Variants in KIAA0586 observed in about 807,000 individuals in gnomAD.
KIAA0586 encodes protein TALPID3.
In KIAA0586, 144 loss-of-function variants were observed where a neutral mutation model predicts 169.8. That is an observed-to-expected ratio of 0.85 (90% CI 0.74 to 0.97). The LOEUF (loss-of-function observed/expected upper bound fraction) is 0.97, where lower values mean the gene tolerates loss of function less well. Ranked by LOEUF, KIAA0586 falls within the 50% of genes least tolerant of loss-of-function variation. The pLI is 0.00. For synonymous variants in KIAA0586, 625 were observed against 612.4 expected, an observed-to-expected ratio of 1.02 and a Z score of -0.30; for missense variants, 1,854 against 1,823.0, an observed-to-expected ratio of 1.02 and a Z score of -0.31.
intron 27 of KIAA0586, among the ~76,000 whole-genome samples, chr14:58,505,597 C>T (rs141412214): frequency 2.5e-3 from 383 of 152,220 alleles, no homozygotes; most frequent in African/African-American, 8.8e-3. Flanking sequence ...TATTAGTGCC[C>T]TTTCCTTACA....
chr14:58,483,235 G>T (rs933829155), intron 21 of KIAA0586, among the ~76,000 whole-genome samples: 2 of 152,064 alleles, frequency 1.3e-5, no homozygotes, highest in Non-Finnish European at 2.9e-5. Context: ...AACCAAATTT[G>T]TATGATTGGC....
intron 17 of KIAA0586, among the ~76,000 whole-genome samples, chr14:58,471,435 G>A (rs956914391): frequency 6.6e-6 from 1 of 152,052 alleles, no homozygotes; most frequent in African/African-American, 2.4e-5. Flanking sequence ...TTTCTTCCTG[G>A]CATTTATTTG....
At chr14:58,479,124 A>G (rs114108039) in intron 20 of KIAA0586, among the ~76,000 whole-genome samples, 2 of 152,256 alleles carry the variant, frequency 1.3e-5, no homozygotes, top group African/African-American at 4.8e-5. Context: ...TGGGTGTACT[A>G]TTTTGCATTC....
upstream of KIAA0586, chr14:58,427,641 A>G (rs1029046238): frequency 6.5e-7 from 1 of 1,535,456 alleles, no homozygotes. Flanking sequence ...GTTTTGGGTG[A>G]GTTTCTTGGC....
chr14:58,457,736 T>A, intron 10 of KIAA0586, 23 bp from the exon 11 acceptor site: 2 of 1,482,586 alleles, frequency 1.3e-6, no homozygotes, highest in Non-Finnish European at 1.8e-6. Context: ...TTTAGTAACT[T>A]TCTGGTCTTT....
At chr14:58,534,914 G>C (rs2046190635) in intron 29 of KIAA0586, among the ~76,000 whole-genome samples, 1 of 152,126 alleles carries the variant, frequency 6.6e-6, no homozygotes, top group Non-Finnish European at 1.5e-5. Context: ...TAAGTGTACA[G>C]CTCAAAGAAT....
intron 29 of KIAA0586, among the ~76,000 whole-genome samples, chr14:58,528,608 G>C (rs61215281): frequency 2.0e-5 from 3 of 152,054 alleles, no homozygotes; most frequent in Non-Finnish European, 4.4e-5. Flanking sequence ...GTGACTACTC[G>C]GTAAATAATG....
intron 29 of KIAA0586, among the ~76,000 whole-genome samples, chr14:58,520,702 T>G (rs1238489454): frequency 6.6e-6 from 1 of 151,978 alleles, no homozygotes; most frequent in Non-Finnish European, 1.5e-5. Flanking sequence ...TTGTTTTCAT[T>G]TTTTGTAGAG....
rs553081673 is a variant in KIAA0586, at chr14:58,529,013, T to A, written c.4430-11058T>A. Among the ~76,000 whole-genome samples the A allele has an allele frequency of 4.5e-4, 69 of 152,080 alleles. 1 individual carries two copies. In the South Asian group the frequency reaches 0.011, roughly 23 times the overall value. ...ATCTAATAGACATAATAAAAAATGA[T>A]AAAGGGGACATCACCACTGATTTCA... On this transcript the variant is annotated intron_variant, in intron 29 of 30. Coordinates refer to ENST00000652326, the MANE Select transcript of KIAA0586 (RefSeq NM_001329943.3).
At chr14:58,460,944 A>G (rs762724629) in intron 13 of KIAA0586, 42 bp from the exon 14 acceptor site, 2 of 1,417,960 alleles carry the variant, frequency 1.4e-6, no homozygotes, top group Admixed American at 2.6e-5. Flanking sequence ...TAAGTGTTTG[A>G]TGACTGTTTT....
At position 58,488,629 on chromosome 14, in the gene KIAA0586, C is replaced by T; in HGVS notation, c.3536C>T (p.Ser1179Phe). 1.9e-6 allele frequency: 3 copies of T among 1,613,844 alleles called. No individual in the cohort carries two copies. The highest frequency in any genetic ancestry group is 2.5e-6 in the Non-Finnish European group (3 of 1,179,818). ...EELHPRAIVM[S>F]VAKDEEPESM... ...TGTCTTTATTTTCTTAGTGTAATGT[C>T]TGTGGCTAAGGATGAAGAACCAGAG... is the stretch of plus-strand genomic sequence containing the variant. The change falls in exon 24 of 31, where the codon TCT becomes TTT. Residue 1179 changes from serine (S) to phenylalanine (F), a missense_variant. By Grantham distance (155) the Ser-to-Phe change is radical. Transcript: ENST00000652326.
intron 27 of KIAA0586, among the ~76,000 whole-genome samples, chr14:58,507,344 A>C (rs1566916915): frequency 1.4e-5 from 2 of 146,098 alleles, no homozygotes; most frequent in African/African-American, 5.0e-5. Context: ...ATAAATATAT[A>C]ATATCATATA....
chr14:58,507,985 G>C (rs1299746633), intron 27 of KIAA0586, among the ~76,000 whole-genome samples: 1 of 151,862 alleles, frequency 6.6e-6, no homozygotes. Flanking sequence ...AGGTTTCACC[G>C]TGTTGGCCAG....
chr14:58,541,226 C>T (rs1454842223), intron 30 of KIAA0586, among the ~76,000 whole-genome samples: 1 of 152,222 alleles, frequency 6.6e-6, no homozygotes, highest in African/African-American at 2.4e-5. Flanking sequence ...TTTCAAGGTC[C>T]ACTGTTTGCC....
intron 20 of KIAA0586, among the ~76,000 whole-genome samples, chr14:58,478,642 A>G (rs1385131812): frequency 2.6e-5 from 4 of 152,192 alleles, no homozygotes; most frequent in Non-Finnish European, 4.4e-5. Context: ...CAGTTTCACA[A>G]GTTCACACAG....
chr14:58,523,251 G>A (rs1401263718), intron 29 of KIAA0586, among the ~76,000 whole-genome samples: 1 of 151,976 alleles, frequency 6.6e-6, no homozygotes, highest in Non-Finnish European at 1.5e-5. Flanking sequence ...CATTTTAATT[G>A]TGGAAATTAT....
Position 58,492,196 on chromosome 14 carries a change from T to A in KIAA0586, c.3911T>A (p.Phe1304Tyr), listed in dbSNP as rs1294360138. The change falls in exon 26 of 31, where the codon TTT becomes TAT. Residue 1304 changes from phenylalanine to tyrosine, a missense_variant. Physicochemically the swap from Phe to Tyr is conservative, Grantham distance 22. Transcript: ENST00000652326. ...GQVIRMSHKKFHADAILSFAK... is the reference protein window; with the variant it reads ...GQVIRMSHKKYHADAILSFAK... ...GTGATTAGGATGTCCCATAAAAAAT[T>A]TCATGCAGATGCAATTCTTTCTTTT... is the stretch of plus-strand genomic sequence containing the variant. The A allele has an allele frequency of 1.3e-5, 20 of 1,550,316 alleles. No homozygotes were observed. Among genetic ancestry groups the A allele is most frequent in the Non-Finnish European group, 1.7e-5 (20 of 1,146,306 alleles).
At chr14:58,496,578 A>G (rs1249629572) in intron 26 of KIAA0586, among the ~76,000 whole-genome samples, 1 of 152,234 alleles carries the variant, frequency 6.6e-6, no homozygotes, top group East Asian at 1.9e-4. Flanking sequence ...CAGTATTCCT[A>G]AAGAAGAGTC....
intron 20 of KIAA0586, among the ~76,000 whole-genome samples, chr14:58,478,484 A>G (rs913591114): frequency 5.9e-5 from 9 of 152,112 alleles, no homozygotes; most frequent in African/African-American, 1.4e-4. Context: ...CTCTGTTTCA[A>G]TCAGTCAATC....
Sources: gnomAD v4.1 joint callset for allele counts (sites outside exome capture counted in the v4.1 genomes callset) on GRCh38, gnomAD v4.1.1 for gene constraint, MANE v1.5 for transcripts, NCBI Gene and HGNC (gene_info 2026-07-23, HGNC 2026-07-21) for gene names.